The following CDH18 variants were observed in gnomAD, a reference collection of about 807,000 sequenced individuals.
The protein encoded by CDH18 is cadherin 18, also known as cadherin-18.
CDH18 carries 31 observed loss-of-function variants against 67.9 expected under a neutral mutation model. That is an observed-to-expected ratio of 0.46 (90% CI 0.34 to 0.62). The LOEUF (loss-of-function observed/expected upper bound fraction) is 0.62. Ranked by LOEUF, CDH18 falls within the 20% of genes least tolerant of loss-of-function variation. The pLI, the probability that CDH18 is intolerant of heterozygous loss-of-function variation, is 0.01. For missense variants in CDH18, 890 were observed against 975.5 expected (o/e 0.91, Z 1.17); for synonymous variants, 362 against 347.2 (o/e 1.04, Z -0.48).
At chr5:19,597,018 A>T (rs1746284797) in intron 6 of CDH18, among the ~76,000 whole-genome samples, 1 of 152,222 alleles carries the variant, frequency 6.6e-6, no homozygotes, top group South Asian at 2.1e-4. Context: ...GGAGTTCAGC[A>T]AAAGTAATCG....
At chr5:20,095,284 C>T (rs1191443557) in intron 2 of CDH18, among the ~76,000 whole-genome samples, 1 of 130,196 alleles carries the variant, frequency 7.7e-6, no homozygotes, top group African/African-American at 3.0e-5. Flanking sequence ...GCACATATAT[C>T]CCAGAACTTA....
intron 5 of CDH18, among the ~76,000 whole-genome samples, chr5:19,637,621 T>G (rs1165727156): frequency 9.9e-5 from 15 of 152,206 alleles, no homozygotes; most frequent in Admixed American, 9.8e-4. Flanking sequence ...GAATCCTCTG[T>G]CGTCAATACC....
chr5:20,557,444 C>T (rs1757966848), intron 1 of CDH18, among the ~76,000 whole-genome samples: 1 of 151,954 alleles, frequency 6.6e-6, no homozygotes, highest in South Asian at 2.1e-4. Context: ...AGTAGTAACA[C>T]ATATGTGATA....
At chr5:20,241,254 C>T (rs1171516474) in intron 2 of CDH18, among the ~76,000 whole-genome samples, 3 of 152,142 alleles carry the variant, frequency 2.0e-5, no homozygotes, top group East Asian at 1.9e-4. Flanking sequence ...ATTTTCTTAA[C>T]TTTAGCAGCA....
intron 8 of CDH18, among the ~76,000 whole-genome samples, chr5:19,560,806 A>C (rs552842283): frequency 6.6e-6 from 1 of 152,220 alleles, no homozygotes; most frequent in African/African-American, 2.4e-5. Context: ...GAACTTAAAC[A>C]AATCAGCAAG....
At chr5:19,563,390 G>A (rs770317) in intron 8 of CDH18, among the ~76,000 whole-genome samples, 12,773 of 152,162 alleles carry the variant, frequency 0.084, 659 homozygotes, top group African/African-American at 0.14. Flanking sequence ...TTTATGGAAT[G>A]ATATATAAGG....
intron 2 of CDH18, among the ~76,000 whole-genome samples, chr5:19,892,304 C>T (rs557993915): frequency 1.1e-4 from 17 of 151,756 alleles, no homozygotes; most frequent in South Asian, 4.2e-4. Flanking sequence ...AAAAATAATG[C>T]GGTGATATAT....
At chr5:19,733,103 G>A (rs1396514265) in intron 4 of CDH18, among the ~76,000 whole-genome samples, 1 of 152,116 alleles carries the variant, frequency 6.6e-6, no homozygotes, top group Admixed American at 6.5e-5. Flanking sequence ...CAGGCAGGAG[G>A]CAGAGAAATC....
intron 2 of CDH18, among the ~76,000 whole-genome samples, chr5:20,241,729 G>A (rs1295269833): frequency 6.6e-6 from 1 of 151,456 alleles, no homozygotes; most frequent in Non-Finnish European, 1.5e-5. Context: ...GGGGGCGCCT[G>A]TAGTCCCAGC....
intron 5 of CDH18, among the ~76,000 whole-genome samples, chr5:19,629,132 G>A (rs933107491): frequency 5.3e-5 from 8 of 152,092 alleles, no homozygotes; most frequent in Non-Finnish European, 7.4e-5. Flanking sequence ...AAAATGTTAC[G>A]TTAAGTGAAT....
chr5:20,280,370 C>G (rs969002835), intron 1 of CDH18, among the ~76,000 whole-genome samples: 7 of 152,092 alleles, frequency 4.6e-5, no homozygotes, highest in Non-Finnish European at 1.0e-4. Context: ...TCCTCCCACC[C>G]AACAAAAGGC....
chr5:19,811,146 GAAAGAAAGAAAGAAGGAGAGAA>G (rs1561351584), intron 3 of CDH18, among the ~76,000 whole-genome samples: 1 of 66,022 alleles, frequency 1.5e-5, no homozygotes, highest in African/African-American at 6.9e-5. Context: ...AAGAAAGAAA[GAAAGAAAGAAAGAAGGAGAGAA>G]AGAAAGAGAA....
chr5:20,414,485 G>T (rs1747102907), intron 1 of CDH18, among the ~76,000 whole-genome samples: 1 of 152,086 alleles, frequency 6.6e-6, no homozygotes, highest in Admixed American at 6.6e-5. Context: ...GGAAGGAAAA[G>T]GGTTGAAAAA....
chr5:20,155,349 GT>G (rs1287402122), intron 2 of CDH18, among the ~76,000 whole-genome samples: 21 of 152,078 alleles, frequency 1.4e-4, no homozygotes, highest in African/African-American at 5.1e-4. Context: ...GCCTATATTT[GT>G]TGCTTTTATA....
At chr5:19,740,088 T>C (rs952000848) in intron 4 of CDH18, among the ~76,000 whole-genome samples, 18 of 152,210 alleles carry the variant, frequency 1.2e-4, no homozygotes, top group African/African-American at 4.1e-4. Flanking sequence ...AAAAATAAGT[T>C]TGTTATATTG....
chr5:20,112,108 C>T (rs921703249), intron 2 of CDH18, among the ~76,000 whole-genome samples: 2 of 152,072 alleles, frequency 1.3e-5, no homozygotes, highest in Non-Finnish European at 2.9e-5. Flanking sequence ...ATACATTTCA[C>T]GTAACATATA....
intron 2 of CDH18, among the ~76,000 whole-genome samples, chr5:19,974,466 C>T (rs996073197): frequency 2.1e-5 from 3 of 146,058 alleles, no homozygotes; most frequent in African/African-American, 7.7e-5. Context: ...TTGCAGTGAG[C>T]CGAGATCACA....
intron 2 of CDH18, among the ~76,000 whole-genome samples, chr5:20,242,611 A>AAAAT (rs1554106655): frequency 1.5e-4 from 6 of 39,470 alleles, no homozygotes; most frequent in African/African-American, 4.5e-4. Context: ...AAAAAAAAAA[A>AAAAT]ATATATATAT....
At chr5:20,384,622 A>C (rs1744171029) in intron 1 of CDH18, among the ~76,000 whole-genome samples, 1 of 152,128 alleles carries the variant, frequency 6.6e-6, no homozygotes, top group African/African-American at 2.4e-5. Flanking sequence ...GATGGATCAT[A>C]TGAAAGTTTT....
Sources: allele counts gnomAD v4.1 joint callset (sites outside exome capture counted in the v4.1 genomes callset), GRCh38; gene constraint gnomAD v4.1.1; transcripts MANE v1.5; gene names NCBI Gene and HGNC (gene_info 2026-07-23, HGNC 2026-07-21).